CEP85L: variants seen among roughly 807,000 people sequenced by gnomAD.
CEP85L encodes the protein centrosomal protein of 85 kDa-like.
Under a neutral mutation model 100.3 loss-of-function variants are expected in CEP85L, and 60 were observed. That is an observed-to-expected ratio of 0.60 (90% confidence interval 0.49 to 0.74). CEP85L has a LOEUF of 0.74. Ranked by LOEUF, CEP85L falls within the 30% of genes least tolerant of loss-of-function variation. The pLI, the probability that CEP85L is intolerant of heterozygous loss-of-function variation, is 0.00. For missense variants in CEP85L, 973 were observed against 936.2 expected (o/e 1.04, Z -0.51); for synonymous variants, 319 against 322.7 (o/e 0.99, Z 0.12).
rs111400802 is a variant in CEP85L, at chr6:118,506,909, C to G, written c.1257+4389G>C. On this transcript the variant is annotated intron_variant, in intron 5 of 12. Coordinates refer to ENST00000368491, the MANE Select transcript of CEP85L (RefSeq NM_001042475.3). ...TCCTTTCTAGAACAACTCCCTCAGG[C>G]TCCTTCACAAGTTGTGCTCTTCTGC... Among the ~76,000 whole-genome samples, 146 of 152,256 alleles carry G rather than the reference C, an allele frequency of 9.6e-4. 1 individual carries two copies. The highest frequency in any genetic ancestry group is 3.4e-3 in the African/African-American group (142 of 41,568).
intron 1 of CEP85L, among the ~76,000 whole-genome samples, chr6:118,670,010 G>A (rs1288258951): frequency 6.6e-6 from 1 of 150,860 alleles, no homozygotes; most frequent in Non-Finnish European, 1.5e-5. Flanking sequence ...AAGGGAAGTC[G>A]CAAATAGAAT....
chr6:118,504,172 G>A (rs954119079), intron 5 of CEP85L, among the ~76,000 whole-genome samples: 2 of 152,090 alleles, frequency 1.3e-5, no homozygotes, highest in African/African-American at 4.8e-5. Flanking sequence ...CCAGTAGTTC[G>A]AGATTGGCCT....
At chr6:118,612,706 G>T (rs899737916) in intron 2 of CEP85L, among the ~76,000 whole-genome samples, 5 of 118,600 alleles carry the variant, frequency 4.2e-5, no homozygotes, top group African/African-American at 1.6e-4. Context: ...TCTCAAATCA[G>T]TAATCTAATC....
intron 3 of CEP85L, 174 bp downstream of exon 3, chr6:118,565,355 G>A (rs1320126443): frequency 1.6e-6 from 1 of 637,546 alleles, no homozygotes; most frequent in African/African-American, 1.8e-5. Context: ...AGTCTCAAAT[G>A]CTTTGCAAGT....
intron 1 of CEP85L, among the ~76,000 whole-genome samples, chr6:118,642,956 G>A (rs1476296155): frequency 6.6e-6 from 1 of 152,138 alleles, no homozygotes; most frequent in Non-Finnish European, 1.5e-5. Context: ...CACGTATTTA[G>A]TTTTTGGTAA....
chr6:118,525,462 A>C (rs1776910978), intron 3 of CEP85L, among the ~76,000 whole-genome samples: 1 of 152,196 alleles, frequency 6.6e-6, no homozygotes. Context: ...CCTTAAGGTA[A>C]GGCCTAATTC....
At chr6:118,492,148 T>C (rs1774619767) in intron 5 of CEP85L, among the ~76,000 whole-genome samples, 1 of 152,090 alleles carries the variant, frequency 6.6e-6, no homozygotes, top group South Asian at 2.1e-4. Context: ...TTCCAGCATA[T>C]AGGAGAAACT....
intron 6 of CEP85L, among the ~76,000 whole-genome samples, chr6:118,486,499 T>A (rs1236024170): frequency 6.6e-6 from 1 of 152,194 alleles, no homozygotes; most frequent in Non-Finnish European, 1.5e-5. Context: ...TGTCATAGAA[T>A]CAGTCTTTGA....
At chr6:118,550,957 G>T (rs781701870) in intron 3 of CEP85L, among the ~76,000 whole-genome samples, 6 of 151,394 alleles carry the variant, frequency 4.0e-5, no homozygotes, top group Non-Finnish European at 7.4e-5. Context: ...AATACCTCCT[G>T]GAAGGCAAAA....
chr6:118,510,755 T>C (rs1775919258), intron 5 of CEP85L, among the ~76,000 whole-genome samples: 1 of 152,246 alleles, frequency 6.6e-6, no homozygotes, highest in East Asian at 1.9e-4. Context: ...ACAGTATTTA[T>C]AAAAGGTTAT....
At position 118,685,440 on chromosome 6, in the gene CEP85L, C is replaced by T. The variant is rs1322020969; in HGVS notation, c.-28+24596G>A. On this transcript the variant is annotated intron_variant, in intron 1 of 13. Coordinates refer to the CEP85L transcript ENST00000368488. ...CTGGGTCAGCCAACAAAAGTATTTA[C>T]GTTGATATAAATAAAATACTTTTTG... Among the ~76,000 whole-genome samples the T allele has an allele frequency of 5.3e-5, 8 of 152,140 alleles. No homozygotes were observed. The East Asian group carries it at 1.2e-3, about 22-fold the overall frequency.
chr6:118,680,301 T>G (rs939619849), intron 1 of CEP85L, among the ~76,000 whole-genome samples: 10 of 97,756 alleles, frequency 1.0e-4, no homozygotes, highest in South Asian at 3.4e-4. Context: ...CTTTCCTTGG[T>G]GTTGCTTTTT....
intron 4 of CEP85L, among the ~76,000 whole-genome samples, chr6:118,519,402 G>A (rs1457458633): frequency 3.4e-5 from 5 of 147,064 alleles, no homozygotes; most frequent in East Asian, 2.1e-4. Flanking sequence ...TCGCGCCACC[G>A]CACTCCAGTC....
At chr6:118,625,984 C>G (rs1773764795) in intron 2 of CEP85L, among the ~76,000 whole-genome samples, 1 of 152,178 alleles carries the variant, frequency 6.6e-6, no homozygotes, top group Non-Finnish European at 1.5e-5. Context: ...CTAGAAAGTT[C>G]CCCTCTGGAG....
intron 1 of CEP85L, among the ~76,000 whole-genome samples, chr6:118,709,370 G>A (rs1343433130): frequency 6.6e-6 from 1 of 152,170 alleles, no homozygotes; most frequent in Non-Finnish European, 1.5e-5. Context: ...AACAGGAGTT[G>A]AGTGTGTACG....
In CEP85L at chr6:118,651,301, G is replaced by T; in HGVS notation, c.-32C>A. The T allele has an allele frequency of 6.9e-7, 1 of 1,459,666 alleles. No individual in the cohort carries two copies. Among genetic ancestry groups the T allele is most frequent in the Non-Finnish European group, 9.0e-7 (1 of 1,108,752 alleles). 90.4% of individuals were successfully genotyped at this position (1,459,666 alleles called of 1,614,324 possible). ...CGAGAGGGCCGGGTGGGCCAGGGACGCCCGACTCCTCACGTCCGTCCTCCT... is the reference window on the plus strand; with the variant it reads ...CGAGAGGGCCGGGTGGGCCAGGGACTCCCGACTCCTCACGTCCGTCCTCCT... On this transcript the variant is annotated 5_prime_UTR_variant, in exon 1 of 13. Coordinates refer to ENST00000368491, the MANE Select transcript of CEP85L (RefSeq NM_001042475.3).
intron 2 of CEP85L, among the ~76,000 whole-genome samples, chr6:118,569,501 A>T (rs1423476218): frequency 2.6e-5 from 4 of 151,288 alleles, no homozygotes; most frequent in African/African-American, 9.7e-5. Context: ...AAAAATAAAA[A>T]AATAAAAAAC....
chr6:118,699,991 G>A lies in CEP85L; in HGVS notation c.-28+10045C>T, dbSNP rs111760362. 1.6e-3 allele frequency among the ~76,000 whole-genome samples: 250 copies of A among 152,188 alleles called. 1 individual carries two copies. The highest frequency in any genetic ancestry group is 5.7e-3 in the African/African-American group (237 of 41,520). The stretch of plus-strand genomic sequence containing the variant: ...ATTACAGGCGTGAGCCACCATACCC[G>A]GCCTCTACTGCTATTATTATAGGAG... On this transcript the variant is annotated intron_variant, in intron 1 of 13. Transcript: ENST00000368488.
intron 3 of CEP85L, among the ~76,000 whole-genome samples, chr6:118,525,431 T>G (rs1776909009): frequency 6.6e-6 from 1 of 152,202 alleles, no homozygotes; most frequent in Non-Finnish European, 1.5e-5. Flanking sequence ...TCTTTGCAGA[T>G]GAGTCAAGCT....
Sources: allele counts gnomAD v4.1 joint callset (sites outside exome capture counted in the v4.1 genomes callset), GRCh38; gene constraint gnomAD v4.1.1; transcripts MANE v1.5; gene names NCBI Gene and HGNC (gene_info 2026-07-23, HGNC 2026-07-21).